NEK7: variants seen among roughly 807,000 people sequenced by gnomAD.
The protein encoded by NEK7 is NIMA related kinase 7.
A neutral mutation model predicts 44.6 loss-of-function variants in NEK7; 18 were observed. The ratio of observed to expected loss-of-function variants is 0.40; its 90% CI spans 0.28 to 0.60. The LOEUF is 0.60. Among genes scored for constraint, NEK7 ranks in the 20% least tolerant of loss-of-function variants. The pLI, the probability that NEK7 is intolerant of heterozygous loss-of-function variation, is 0.38. For synonymous variants in NEK7, 130 were observed against 121.1 expected (o/e 1.07, Z -0.48); for missense variants, 256 against 366.5 (o/e 0.70, Z 2.46).
intron 9 of NEK7, among the ~76,000 whole-genome samples, chr1:198,305,398 A>G (rs1415842823): frequency 6.6e-6 from 1 of 152,170 alleles, no homozygotes; most frequent in Non-Finnish European, 1.5e-5. Flanking sequence ...AAATAACTTT[A>G]TTCCTTCCGG....
At chr1:198,161,003 G>T (rs1167180395) in intron 1 of NEK7, among the ~76,000 whole-genome samples, 1 of 152,172 alleles carries the variant, frequency 6.6e-6, no homozygotes, top group African/African-American at 2.4e-5. Flanking sequence ...ATATTTTTGA[G>T]CAGGATAACT....
intron 1 of NEK7, among the ~76,000 whole-genome samples, chr1:198,230,457 T>C (rs1033576269): frequency 3.3e-5 from 5 of 152,102 alleles, no homozygotes; most frequent in African/African-American, 1.2e-4. Flanking sequence ...GATACACAAA[T>C]TTTTTAATAA....
At chr1:198,183,443 A>C (rs1485215752) in intron 1 of NEK7, among the ~76,000 whole-genome samples, 1 of 152,196 alleles carries the variant, frequency 6.6e-6, no homozygotes, top group African/African-American at 2.4e-5. Flanking sequence ...TTTAAAAAAG[A>C]ATGATACAGT....
intron 1 of NEK7, among the ~76,000 whole-genome samples, chr1:198,170,004 C>G (rs754638017): frequency 2.0e-5 from 3 of 152,116 alleles, no homozygotes; most frequent in Non-Finnish European, 2.9e-5. Flanking sequence ...AGGGAATGCC[C>G]AGAACAATTG....
At chr1:198,252,528 C>CTATATATATATATATA (rs1162099133) in intron 2 of NEK7, among the ~76,000 whole-genome samples, 31 of 32,668 alleles carry the variant, frequency 9.5e-4, no homozygotes, top group Non-Finnish European at 1.3e-3. Context: ...ATCTCACATA[C>CTATATATATATATATA]TATATATATA....
At chr1:198,216,315 A>G (rs1665918535) in intron 1 of NEK7, among the ~76,000 whole-genome samples, 2 of 152,142 alleles carry the variant, frequency 1.3e-5, no homozygotes, top group African/African-American at 4.8e-5. Context: ...AAATTAAACA[A>G]TCTGCTTCTG....
chr1:198,160,157 G>T (rs1371838418), intron 1 of NEK7, among the ~76,000 whole-genome samples: 1 of 152,132 alleles, frequency 6.6e-6, no homozygotes, highest in Non-Finnish European at 1.5e-5. Flanking sequence ...GATGTTTTAA[G>T]AATGTACCTC....
intron 1 of NEK7, among the ~76,000 whole-genome samples, chr1:198,191,840 G>T (rs1665081961): frequency 6.6e-6 from 1 of 151,998 alleles, no homozygotes; most frequent in African/African-American, 2.4e-5. Flanking sequence ...TGTATTTATT[G>T]ATTCAAAATA....
chr1:198,243,932 T>C (rs1666759310), intron 2 of NEK7, among the ~76,000 whole-genome samples: 1 of 146,664 alleles, frequency 6.8e-6, no homozygotes, highest in Admixed American at 6.7e-5. Context: ...CAGTGAAGTC[T>C]GTAGAAAATA....
At chr1:198,184,710 C>T (rs1019741931) in intron 1 of NEK7, among the ~76,000 whole-genome samples, 29 of 152,042 alleles carry the variant, frequency 1.9e-4, no homozygotes, top group Non-Finnish European at 3.8e-4. Context: ...GCTGTGTTGC[C>T]CAGGCTGGAG....
intron 1 of NEK7, among the ~76,000 whole-genome samples, chr1:198,173,843 CATT>C (rs1252583802): frequency 3.3e-5 from 5 of 152,024 alleles, no homozygotes; most frequent in African/African-American, 9.7e-5. Context: ...ATCAGCATAA[CATT>C]ATGTTATTCC....
At chr1:198,194,453 C>T (rs1391161113) in intron 1 of NEK7, among the ~76,000 whole-genome samples, 4 of 142,952 alleles carry the variant, frequency 2.8e-5, no homozygotes, top group African/African-American at 1.0e-4. Context: ...TCCCACCCTT[C>T]ACCCTCCAGT....
rs560907442 is a variant in NEK7, at chr1:198,321,183, T to C, written c.*1661T>C. The C allele has an allele frequency of 5.9e-5, 9 of 152,300 alleles. No homozygotes were observed. The East Asian group carries it at 1.5e-3, about 26-fold the overall frequency. 9.4% of individuals were successfully genotyped at this position (152,300 alleles called of 1,614,324 possible). A position where few individuals can be genotyped will look rare whatever the true frequency, so the allele number is the denominator to read the frequency against. ...TTCAAGCATTTGTAAACTTAAAAAATGTATAAAGGGCAAAAAGTCTGAACC... is the reference window on the plus strand; with the variant it reads ...TTCAAGCATTTGTAAACTTAAAAAACGTATAAAGGGCAAAAAGTCTGAACC... On this transcript the variant is annotated 3_prime_UTR_variant, in exon 10 of 10. Coordinates refer to ENST00000367385, the MANE Select transcript of NEK7 (RefSeq NM_133494.3).
At chr1:198,253,686 T>C (rs757644809) in intron 3 of NEK7, among the ~76,000 whole-genome samples, 12 of 152,196 alleles carry the variant, frequency 7.9e-5, no homozygotes, top group Admixed American at 6.5e-4. Context: ...AAATCTCTTA[T>C]TGTATTTGTG....
At chr1:198,256,615 A>G (rs1653274538) in intron 3 of NEK7, 2 of 1,118,974 alleles carry the variant, frequency 1.8e-6, no homozygotes, top group Non-Finnish European at 2.5e-6. Flanking sequence ...TCCAGTATTT[A>G]TTGGCCACCT....
chr1:198,229,522 G>A (rs1666326313), intron 1 of NEK7, among the ~76,000 whole-genome samples: 1 of 152,048 alleles, frequency 6.6e-6, no homozygotes, highest in African/African-American at 2.4e-5. Context: ...GTGGGACTGA[G>A]CCCTTAACCT....
intron 9 of NEK7, among the ~76,000 whole-genome samples, chr1:198,303,098 C>G (rs1168520270): frequency 6.6e-6 from 1 of 152,084 alleles, no homozygotes; most frequent in Non-Finnish European, 1.5e-5. Flanking sequence ...ACTCTTCTGG[C>G]TCATGGTAAC....
chr1:198,193,333 A>G (rs147704400), intron 1 of NEK7, among the ~76,000 whole-genome samples: 1 of 152,146 alleles, frequency 6.6e-6, no homozygotes, highest in Non-Finnish European at 1.5e-5. Context: ...TACTAACCAA[A>G]AAAAGCCCAG....
At chr1:198,226,412 G>C (rs1451934435) in intron 1 of NEK7, among the ~76,000 whole-genome samples, 2 of 151,784 alleles carry the variant, frequency 1.3e-5, no homozygotes, top group Non-Finnish European at 2.9e-5. Context: ...GGGCGTGGTG[G>C]CACACACCTG....
Sources: gnomAD v4.1 joint callset for allele counts (sites outside exome capture counted in the v4.1 genomes callset) on GRCh38, gnomAD v4.1.1 for gene constraint, MANE v1.5 for transcripts, NCBI Gene and HGNC (gene_info 2026-07-23, HGNC 2026-07-21) for gene names.